USP20: variants seen among roughly 807,000 people sequenced by gnomAD.
The protein encoded by USP20 is ubiquitin specific peptidase 20.
USP20 carries 80 observed loss-of-function variants against 124.2 expected under a neutral mutation model. The observed-to-expected ratio is 0.64, with a 90% CI of 0.54 to 0.78. The LOEUF is 0.78. USP20 is among the 30% of genes least tolerant of loss of function. The probability of loss-of-function intolerance (pLI) is 0.00; values close to 1 mark genes in which losing one functional copy is unlikely to be tolerated. For missense variants in USP20, 1,043 were observed against 1,244.4 expected, an observed-to-expected ratio of 0.84 and a Z score of 2.44; for synonymous variants, 481 against 512.3, an observed-to-expected ratio of 0.94 and a Z score of 0.83.
At chr9:129,842,967 C>T (rs1208884534) in intron 1 of USP20, among the ~76,000 whole-genome samples, 1 of 152,000 alleles carries the variant, frequency 6.6e-6, no homozygotes, top group Non-Finnish European at 1.5e-5. Flanking sequence ...GATTTTTAAC[C>T]ATTAATTTTT....
At chr9:129,863,349 C>CCTG in intron 9 of USP20, 50 bp downstream of exon 9, 1 of 1,410,330 alleles carries the variant, frequency 7.1e-7, no homozygotes, top group South Asian at 1.3e-5. Flanking sequence ...ACTGGGGTTT[C>CCTG]CTGTCAGCAC....
rs1434234834 is a variant in USP20, at chr9:129,869,723, A to T, written c.1444A>T (p.Lys482Ter). The part of the protein sequence containing the change: ...FQDLSLPIPG[K>*]EDLAKLHSAI... The stretch of plus-strand genomic sequence containing the variant: ...GGACTTATCACTGCCCATTCCTGGA[A>T]AGGAGGACCTGGCCAAGCTCCATTC... The change falls in exon 14 of 26, where the codon AAG becomes TAG. Residue 482 changes from lysine (K) to a stop codon, truncating the protein, a stop_gained. Transcript: ENST00000372429. LOFTEE classifies it high-confidence loss of function. 6.2e-7 allele frequency: 1 copy of T among 1,613,984 alleles called. No individual in the cohort carries two copies. The highest frequency in any genetic ancestry group is 8.5e-7 in the Non-Finnish European group (1 of 1,180,024).
At chr9:129,875,538 G>C in intron 20 of USP20, 22 bp from the exon 21 acceptor site, 2 of 1,613,790 alleles carry the variant, frequency 1.2e-6, no homozygotes, top group Non-Finnish European at 1.7e-6. Flanking sequence ...CCACAGCTTC[G>C]CTCCCTGTAC....
At position 129,869,300 on chromosome 9, in the gene USP20, G is replaced by A; in HGVS notation, c.1277-10G>A. The A allele has an allele frequency of 1.2e-6, 2 of 1,612,614 alleles. No homozygotes were observed. On this transcript the variant is annotated splice_polypyrimidine_tract_variant and intron_variant, in intron 12 of 25. Transcript: ENST00000372429. Reference sequence around the variant, plus strand: ...GTGGAGGCTGGGCTAGTCCTGTGCTGTGTCCCCAGCCCAGGTATTGAGTGC... The same window carrying A: ...GTGGAGGCTGGGCTAGTCCTGTGCTATGTCCCCAGCCCAGGTATTGAGTGC...
At position 129,868,845 on chromosome 9, in the gene USP20, A is replaced by G. The variant is rs1470029894; in HGVS notation, c.1136-17A>G. 2 of 1,535,426 alleles carry G rather than the reference A, an allele frequency of 1.3e-6. No homozygotes were observed. The highest frequency in any genetic ancestry group is 2.8e-5 in the African/African-American group (2 of 72,498). ...CCTGGCTGCCCTGGCCCAGCATGGT[A>G]CCCTCTCTGCCCCCAGAGCCGGACA... On this transcript the variant is annotated splice_polypyrimidine_tract_variant and intron_variant, in intron 11 of 25. Transcript: ENST00000372429.
At chr9:129,836,046 A>T (rs2031809597) in intron 1 of USP20, among the ~76,000 whole-genome samples, 2 of 150,338 alleles carry the variant, frequency 1.3e-5, no homozygotes, top group South Asian at 4.3e-4. Flanking sequence ...CTTGCCGGCC[A>T]CCCCCCTGGA....
At chr9:129,853,406 A>G (rs964335731) in intron 3 of USP20, among the ~76,000 whole-genome samples, 3 of 152,166 alleles carry the variant, frequency 2.0e-5, no homozygotes, top group African/African-American at 7.2e-5. Flanking sequence ...ACAGTGACTG[A>G]TGCTCTCTGG....
Position 129,858,507 on chromosome 9 carries a change from G to T in USP20, c.239G>T (p.Arg80Leu). 6.2e-7 allele frequency: 1 copy of T among 1,614,134 alleles called. No homozygotes were observed. The highest frequency in any genetic ancestry group is 1.1e-5 in the South Asian group (1 of 91,052). The stretch of plus-strand genomic sequence containing the variant: ...TTGACCGTGAACCTGACCACGTTCC[G>T]ACTGTGGTGTTACGCCTGTGAGAAG... ...HNLTVNLTTFRLWCYACEKEV... is the reference protein window; with the variant it reads ...HNLTVNLTTFLLWCYACEKEV... The change falls in exon 6 of 26, where the codon CGA (arginine) becomes CTA (leucine). Residue 80 changes from arginine to leucine, a missense_variant. By Grantham distance (102) the Arg-to-Leu change is moderately radical. Transcript: ENST00000372429.
Position 129,868,339 on chromosome 9 carries a change from A to G in USP20, c.1025A>G (p.Glu342Gly). Residue 342 changes from glutamate to glycine, a missense_variant, in exon 11 of 26, where the codon GAG (glutamate) becomes GGG (glycine). By Grantham distance (98) the Glu-to-Gly change is moderately conservative. Transcript: ENST00000372429. ...TGGGGCCAGCAGCGTACAAACTCGG[A>G]GCAAGTGGACGAGGACGCTGATGTG... ...FSWGQQRTNS[E>G]QVDEDADVDT... 6.2e-7 allele frequency: 1 copy of G among 1,613,312 alleles called. No individual in the cohort carries two copies. The highest frequency in any genetic ancestry group is 8.5e-7 in the Non-Finnish European group (1 of 1,179,908).
rs3739854 is a variant in USP20, at chr9:129,849,593, C to G, written c.-128-220C>G. ...TGGACAACAAAACAAGACCCTGTCT[C>G]TACAAGAAATTTTAAATAAATTAGG... On this transcript the variant is annotated intron_variant, in intron 1 of 25. Coordinates refer to ENST00000372429, the MANE Select transcript of USP20 (RefSeq NM_001110303.4). Among the ~76,000 whole-genome samples the G allele has an allele frequency of 1.5e-3, 221 of 152,222 alleles. 1 individual carries two copies. In the East Asian group the frequency reaches 0.039, roughly 27 times the overall value.
At position 129,862,291 on chromosome 9, in the gene USP20, C is replaced by T. The variant is rs566247728; in HGVS notation, c.497+679C>T. Among the ~76,000 whole-genome samples, 17 of 152,280 alleles carry T rather than the reference C, an allele frequency of 1.1e-4. No individual in the cohort carries two copies. The East Asian group carries it at 1.2e-3, about 10-fold the overall frequency. On this transcript the variant is annotated intron_variant, in intron 8 of 25. Coordinates refer to ENST00000372429, the MANE Select transcript of USP20 (RefSeq NM_001110303.4). The stretch of plus-strand genomic sequence containing the variant: ...CACCCAGGCTGGGCGCAGTAGCCCA[C>T]GCCTGTAATCCCAGCACTTTGGTAG...
At position 129,857,302 on chromosome 9, in the gene USP20, C is replaced by G. The variant is rs374158245; in HGVS notation, c.136-748C>G. On this transcript the variant is annotated intron_variant, in intron 4 of 25. Transcript: ENST00000372429. ...CCTACCTCATAGGAGCCACAGTCCCCTCAGACAGATGTAGGAGCCTGATGC... is the reference window on the plus strand; with the variant it reads ...CCTACCTCATAGGAGCCACAGTCCCGTCAGACAGATGTAGGAGCCTGATGC... Among the ~76,000 whole-genome samples, 14 of 152,328 alleles carry G rather than the reference C, an allele frequency of 9.2e-5. No homozygotes were observed. The East Asian group carries it at 1.9e-3, about 21-fold the overall frequency.
rs148143483 is a variant in USP20, at chr9:129,841,698, G to T, written c.-129+6199G>T. Among the ~76,000 whole-genome samples the T allele has an allele frequency of 2.6e-3, 398 of 152,336 alleles. 4 individuals are homozygous for T. Among genetic ancestry groups the T allele is most frequent in the African/African-American group, 9.2e-3 (383 of 41,584 alleles). Reference sequence around the variant, plus strand: ...GAATGGGGGTTCAGAAGCGCAGGCTGCCCCAGGACAGGGAAGCTGTTGAAG... The same window carrying T: ...GAATGGGGGTTCAGAAGCGCAGGCTTCCCCAGGACAGGGAAGCTGTTGAAG... On this transcript the variant is annotated intron_variant, in intron 1 of 25. Transcript: ENST00000372429.
intron 3 of USP20, among the ~76,000 whole-genome samples, chr9:129,854,643 A>T (rs1319503128): frequency 2.9e-5 from 1 of 34,074 alleles, no homozygotes; most frequent in Non-Finnish European, 8.9e-5. Flanking sequence ...AATAACTGAA[A>T]TGGAAAAAAA....
Position 129,868,318 on chromosome 9 carries a change from G to A in USP20, c.1004G>A (p.Gly335Asp). 1.2e-6 allele frequency: 2 copies of A among 1,613,830 alleles called. No individual in the cohort carries two copies. The highest frequency in any genetic ancestry group is 1.1e-5 in the South Asian group (1 of 91,084). Residue 335 changes from glycine (G) to aspartate (D), a missense_variant, in exon 11 of 26, where the codon GGC becomes GAC. Physicochemically the swap from Gly to Asp is moderately conservative, Grantham distance 94. Transcript: ENST00000372429. ...ERMKDRKFSW[G>D]QQRTNSEQVD... ...ATGAAGGACCGCAAGTTCTCCTGGG[G>A]CCAGCAGCGTACAAACTCGGAGCAA...
Position 129,870,997 on chromosome 9 carries a change from G to A in USP20, c.1660+450G>A, listed in dbSNP as rs773730037. Among the ~76,000 whole-genome samples the A allele has an allele frequency of 9.3e-4, 141 of 151,540 alleles. 11 individuals are homozygous for A. The highest frequency in any genetic ancestry group is 1.2e-4 in the Non-Finnish European group (8 of 67,988). On this transcript the variant is annotated intron_variant, in intron 15 of 25. Transcript: ENST00000372429. ...TTTTTTATTTCCAATTTTCAATTGC[G>A]ATAAAATACACAAAATGTAAAATTT...
At position 129,868,416 on chromosome 9, in the gene USP20, TCAC is replaced by T; in HGVS notation, c.1106_1108del (p.Pro369del). ...CCAGCCCGCGGAGGCCCAGCCCCCG[TCAC>T]CACGGTCCTCCAGCCCCTGCCGGAC... On this transcript the variant is annotated inframe_deletion, in exon 11 of 26. Coordinates refer to ENST00000372429, the MANE Select transcript of USP20 (RefSeq NM_001110303.4). 2 of 1,611,884 alleles carry T rather than the reference TCAC, an allele frequency of 1.2e-6. No homozygotes were observed. The highest frequency in any genetic ancestry group is 1.7e-6 in the Non-Finnish European group (2 of 1,179,310).
At chr9:129,868,523 C>A in intron 11 of USP20, 74 bp downstream of exon 11, 1 of 1,506,894 alleles carries the variant, frequency 6.6e-7, no homozygotes, top group South Asian at 1.3e-5. Flanking sequence ...GAGCGCCGAC[C>A]TGCAGTAGCC....
At chr9:129,853,906 C>T (rs1416900221) in intron 3 of USP20, among the ~76,000 whole-genome samples, 2 of 152,126 alleles carry the variant, frequency 1.3e-5, no homozygotes, top group African/African-American at 4.8e-5. Flanking sequence ...CTGGGGTGCT[C>T]TGGGGCTGTG....
Sources: gnomAD v4.1 joint callset for allele counts (sites outside exome capture counted in the v4.1 genomes callset) on GRCh38, gnomAD v4.1.1 for gene constraint, MANE v1.5 for transcripts, NCBI Gene and HGNC (gene_info 2026-07-23, HGNC 2026-07-21) for gene names.